The following CSMD3 variants were observed in gnomAD, a reference collection of about 807,000 sequenced individuals.
The protein encoded by CSMD3 is CUB and Sushi multiple domains 3, also known as CUB and sushi domain-containing protein 3.
CSMD3 carries 177 observed loss-of-function variants against 435.2 expected under a neutral mutation model. The ratio of observed to expected loss-of-function variants is 0.41; its 90% confidence interval spans 0.36 to 0.46. The LOEUF (loss-of-function observed/expected upper bound fraction) is 0.46, where lower values mean the gene tolerates loss of function less well. CSMD3 is among the 20% of genes least tolerant of loss of function. CSMD3 has a pLI of 0.34. For synonymous variants in CSMD3, 1,656 were observed against 1,520.5 expected (o/e 1.09, Z -2.07); for missense variants, 4,265 against 4,504.6 (o/e 0.95, Z 1.52).
intron 22 of CSMD3, among the ~76,000 whole-genome samples, chr8:112,592,782 A>G (rs1389706130): frequency 6.6e-6 from 1 of 152,138 alleles, no homozygotes; most frequent in Non-Finnish European, 1.5e-5. Flanking sequence ...CTTAATAAAA[A>G]TAACTATGGA....
At chr8:112,439,778 C>A (rs1022036342) in intron 32 of CSMD3, among the ~76,000 whole-genome samples, 2 of 152,108 alleles carry the variant, frequency 1.3e-5, no homozygotes, top group African/African-American at 4.8e-5. Flanking sequence ...CCTCACCAAA[C>A]CATCAGCTCT....
intron 6 of CSMD3, among the ~76,000 whole-genome samples, chr8:113,004,188 A>G (rs1163253017): frequency 6.6e-6 from 1 of 152,002 alleles, no homozygotes; most frequent in East Asian, 1.9e-4. Context: ...ATTAAGGACT[A>G]CAATCCTCTT....
At chr8:112,531,189 C>A (rs1825493843) in intron 27 of CSMD3, among the ~76,000 whole-genome samples, 1 of 152,132 alleles carries the variant, frequency 6.6e-6, no homozygotes, top group African/African-American at 2.4e-5. Context: ...CAGCACAACA[C>A]AGCATGCGGC....
intron 6 of CSMD3, among the ~76,000 whole-genome samples, chr8:112,995,877 T>G (rs935458821): frequency 2.0e-5 from 3 of 151,514 alleles, no homozygotes; most frequent in African/African-American, 4.8e-5. Flanking sequence ...AAAATCATAT[T>G]CTGTCTCTCT....
intron 6 of CSMD3, among the ~76,000 whole-genome samples, chr8:112,981,677 T>G (rs1042829085): frequency 1.5e-4 from 23 of 151,678 alleles, no homozygotes; most frequent in Admixed American, 1.3e-3. Context: ...TGTGACTAAA[T>G]TAATAATTGT....
chr8:112,647,822 G>C (rs2075023861), intron 19 of CSMD3, among the ~76,000 whole-genome samples: 1 of 152,048 alleles, frequency 6.6e-6, no homozygotes, highest in Non-Finnish European at 1.5e-5. Flanking sequence ...AATGTTTTAA[G>C]TTGCATTTGT....
chr8:113,293,695 C>T (rs962804691), intron 2 of CSMD3, among the ~76,000 whole-genome samples: 2 of 152,124 alleles, frequency 1.3e-5, no homozygotes, highest in African/African-American at 4.8e-5. Context: ...GCTTTCATCT[C>T]TTCACTTCTT....
intron 22 of CSMD3, among the ~76,000 whole-genome samples, chr8:112,609,274 G>T (rs1032363033): frequency 3.4e-4 from 48 of 142,204 alleles, no homozygotes; most frequent in African/African-American, 1.2e-3. Context: ...TCGATAAAGG[G>T]TTAATATACA....
At chr8:113,211,377 T>G (rs942456793) in intron 3 of CSMD3, among the ~76,000 whole-genome samples, 1 of 152,142 alleles carries the variant, frequency 6.6e-6, no homozygotes, top group African/African-American at 2.4e-5. Context: ...ACTAAATAAT[T>G]TGTTTGTAAA....
intron 13 of CSMD3, among the ~76,000 whole-genome samples, chr8:112,799,549 A>G (rs552841748): frequency 2.0e-5 from 3 of 152,060 alleles, no homozygotes; most frequent in African/African-American, 7.2e-5. Context: ...GTGTGTATGT[A>G]TTGGTTTTAA....
chr8:113,015,840 T>A (rs140513830), intron 6 of CSMD3, among the ~76,000 whole-genome samples: 3,175 of 151,994 alleles, frequency 0.021, 44 homozygotes, highest in Middle Eastern at 0.05. Flanking sequence ...GAGTTTAGTT[T>A]ATACTAATGA....
At chr8:113,288,763 G>A (rs958924006) in intron 2 of CSMD3, among the ~76,000 whole-genome samples, 49 of 150,646 alleles carry the variant, frequency 3.3e-4, no homozygotes, top group African/African-American at 9.7e-4. Context: ...GTATACAATT[G>A]AAAAAAAAAT....
At chr8:112,746,103 A>C (rs941352724) in intron 13 of CSMD3, among the ~76,000 whole-genome samples, 13 of 152,192 alleles carry the variant, frequency 8.5e-5, no homozygotes, top group African/African-American at 3.1e-4. Flanking sequence ...CTATAGTTTT[A>C]TATGCTAATC....
intron 5 of CSMD3, among the ~76,000 whole-genome samples, chr8:113,052,897 A>G (rs964673140): frequency 6.6e-6 from 1 of 152,250 alleles, no homozygotes; most frequent in Non-Finnish European, 1.5e-5. Flanking sequence ...GAAAAATCTG[A>G]TGTGAATTCA....
chr8:112,855,472 A>C (rs1325758334), intron 11 of CSMD3, among the ~76,000 whole-genome samples: 1 of 152,138 alleles, frequency 6.6e-6, no homozygotes, highest in Admixed American at 6.6e-5. Flanking sequence ...CAGACAAATC[A>C]GAAACTCTTT....
At chr8:112,685,846 A>G in intron 14 of CSMD3, 114 bp from the exon 15 acceptor site, 1 of 720,906 alleles carries the variant, frequency 1.4e-6, no homozygotes, top group Non-Finnish European at 2.3e-6. Flanking sequence ...ATAATATTAA[A>G]TTATGTAAAT....
intron 42 of CSMD3, among the ~76,000 whole-genome samples, chr8:112,337,932 A>C (rs944753814): frequency 6.6e-6 from 1 of 152,148 alleles, no homozygotes; most frequent in African/African-American, 2.4e-5. Context: ...CATATTTAAA[A>C]TGTTAGTACA....
chr8:112,305,500 T>A (rs898007682), intron 51 of CSMD3, among the ~76,000 whole-genome samples: 8 of 152,104 alleles, frequency 5.3e-5, no homozygotes, highest in African/African-American at 1.9e-4. Flanking sequence ...CCAGAATTAA[T>A]GTCTTATCAT....
rs549924561 is a variant in CSMD3, at chr8:112,748,011, A to G, written c.1972+52151T>C. 2.0e-5 allele frequency among the ~76,000 whole-genome samples: 3 copies of G among 150,114 alleles called. No homozygotes were observed. The South Asian group carries it at 6.3e-4, about 31-fold the overall frequency. On this transcript the variant is annotated intron_variant, in intron 13 of 70. Coordinates refer to ENST00000297405, the MANE Select transcript of CSMD3 (RefSeq NM_198123.2). ...ACAGGCATCAGGCCATATTAGATGC[A>G]TGGGTCAAAGTTTTCTAGCTCTTGT...
Sources: allele counts gnomAD v4.1 joint callset (sites outside exome capture counted in the v4.1 genomes callset), GRCh38; gene constraint gnomAD v4.1.1; transcripts MANE v1.5; gene names NCBI Gene and HGNC (gene_info 2026-07-23, HGNC 2026-07-21).